The following TRPM7 variants were observed in gnomAD, a reference collection of about 807,000 sequenced individuals.
TRPM7 encodes transient receptor potential cation channel subfamily M member 7.
TRPM7 carries 134 observed loss-of-function variants against 229.7 expected under a neutral mutation model. That is an observed-to-expected ratio of 0.58 (90% CI 0.51 to 0.67). The LOEUF is 0.67. TRPM7 is among the 30% of genes least tolerant of loss of function. TRPM7 has a pLI of 0.00. For missense variants in TRPM7, 1,901 were observed against 2,210.0 expected (o/e 0.86, Z 2.80); for synonymous variants, 699 against 715.2 (o/e 0.98, Z 0.36).
At chr15:50,662,832 G>A (rs551016639) in intron 2 of TRPM7, 135 bp downstream of exon 2, 2 of 716,900 alleles carry the variant, frequency 2.8e-6, no homozygotes, top group African/African-American at 1.8e-5. Context: ...CAAATTAAAT[G>A]ATTAACAGTA....
At chr15:50,678,487 A>T (rs1410024953) in intron 1 of TRPM7, among the ~76,000 whole-genome samples, 1 of 133,714 alleles carries the variant, frequency 7.5e-6, no homozygotes, top group African/African-American at 2.7e-5. Flanking sequence ...TACAGACCCT[A>T]CTCTCTAGTT....
chr15:50,602,941 A>G (rs559825200), intron 21 of TRPM7, among the ~76,000 whole-genome samples: 1 of 152,212 alleles, frequency 6.6e-6, no homozygotes, highest in Non-Finnish European at 1.5e-5. Context: ...CATTACCATT[A>G]AAGTAACTAG....
In TRPM7 at chr15:50,609,822, G is replaced by A. The variant is rs1371483819; in HGVS notation, c.2420C>T (p.Thr807Ile). ...CCTGCTTACCATGGGGATCTCTTCT[G>A]TTATGTTCTGAAAGTTGTTTTCGCT... is the stretch of plus-strand genomic sequence containing the variant. ...DDSENNFQNI[T>I]EEIPMEVFKE... is the part of the protein sequence containing the mutation. The change falls in exon 18 of 39, where the codon ACA becomes ATA. Residue 807 changes from threonine to isoleucine, a missense_variant. By Grantham distance (89) the Thr-to-Ile change is moderately conservative. Around this residue, in one of 8 missense-constraint regions of TRPM7, gnomAD observed 207 missense variants for 241.5 expected, o/e 0.86. Coordinates refer to ENST00000646667, the MANE Select transcript of TRPM7 (RefSeq NM_017672.6). The A allele has an allele frequency of 1.2e-6, 2 of 1,612,472 alleles. No homozygotes were observed. Among genetic ancestry groups the A allele is most frequent in the Non-Finnish European group, 1.7e-6 (2 of 1,179,330 alleles).
chr15:50,666,810 A>G (rs925729993), intron 1 of TRPM7, among the ~76,000 whole-genome samples: 1 of 152,172 alleles, frequency 6.6e-6, no homozygotes, highest in African/African-American at 2.4e-5. Flanking sequence ...TCCAAAAAAA[A>G]AGAAGAGGCG....
chr15:50,584,832 C>A (rs769792472), intron 28 of TRPM7, among the ~76,000 whole-genome samples: 26 of 151,872 alleles, frequency 1.7e-4, no homozygotes, highest in Non-Finnish European at 3.1e-4. Flanking sequence ...ACTGAGAATT[C>A]TTTTTCTTCC....
In TRPM7 at chr15:50,599,008, G is replaced by C. The variant is rs111358163; in HGVS notation, c.3163+114C>G. ...GGAGTTCACTAACGCCTTTGTGTGG[G>C]GCTTAGGTTGGTAATAGTTTGACTT... is the stretch of plus-strand genomic sequence containing the variant. On this transcript the variant is annotated intron_variant, in intron 22 of 38. Transcript: ENST00000646667. 4.0e-6 allele frequency: 3 copies of C among 748,466 alleles called. No homozygotes were observed. The African/African-American group carries it at 5.3e-5, about 13-fold the overall frequency. The allele number at this position is 748,466 out of a possible 1,614,324, so 46.4% of individuals were successfully genotyped here.
At chr15:50,608,594 T>C (rs1423822361) in intron 19 of TRPM7, among the ~76,000 whole-genome samples, 1 of 152,200 alleles carries the variant, frequency 6.6e-6, no homozygotes, top group Non-Finnish European at 1.5e-5. Context: ...ATCAGATAAC[T>C]GATATTTGCA....
chr15:50,635,433 T>G (rs1233288695), intron 7 of TRPM7, among the ~76,000 whole-genome samples: 3 of 146,600 alleles, frequency 2.0e-5, no homozygotes, highest in Non-Finnish European at 3.0e-5. Context: ...AGAGGCCAAG[T>G]CGGGCAGATC....
At chr15:50,666,591 G>A (rs530741446) in intron 1 of TRPM7, among the ~76,000 whole-genome samples, 23 of 151,960 alleles carry the variant, frequency 1.5e-4, no homozygotes, top group Admixed American at 9.8e-4. Context: ...ATCACCTGAC[G>A]TTGGGAGTTC....
chr15:50,679,539 T>TATATATATA (rs1491586861), intron 1 of TRPM7, among the ~76,000 whole-genome samples: 2 of 22,302 alleles, frequency 9.0e-5, no homozygotes, highest in African/African-American at 2.1e-4. Flanking sequence ...TATATATATA[T>TATATATATA]TTTTTTTTTT....
chr15:50,593,221 G>A (rs1451691445), intron 25 of TRPM7, among the ~76,000 whole-genome samples: 2 of 151,976 alleles, frequency 1.3e-5, no homozygotes, highest in Admixed American at 6.6e-5. Flanking sequence ...CCTGGGAGGC[G>A]GAAGTTGCAG....
intron 38 of TRPM7, among the ~76,000 whole-genome samples, chr15:50,565,388 GAA>G (rs1368456718): frequency 6.6e-6 from 1 of 151,798 alleles, no homozygotes; most frequent in African/African-American, 2.4e-5. Flanking sequence ...TGTATGTTTT[GAA>G]AAAAAGACTG....
intron 21 of TRPM7, among the ~76,000 whole-genome samples, chr15:50,600,442 A>T (rs2140410222): frequency 6.6e-6 from 1 of 151,734 alleles, no homozygotes; most frequent in Admixed American, 6.5e-5. Context: ...ATCTTAAAAA[A>T]AAAAAAAAAA....
chr15:50,651,750 C>T (rs1011208326), intron 3 of TRPM7, among the ~76,000 whole-genome samples: 1 of 151,656 alleles, frequency 6.6e-6, no homozygotes, highest in African/African-American at 2.4e-5. Context: ...ATAAGCTGGG[C>T]GTCGTGGCAG....
chr15:50,647,935 G>T (rs1345997399), intron 4 of TRPM7, among the ~76,000 whole-genome samples: 2 of 152,054 alleles, frequency 1.3e-5, no homozygotes, highest in Non-Finnish European at 2.9e-5. Context: ...ATTGTATTGG[G>T]CATTTTATTA....
At chr15:50,568,366 C>CA (rs912222619) in intron 38 of TRPM7, among the ~76,000 whole-genome samples, 3 of 150,008 alleles carry the variant, frequency 2.0e-5, no homozygotes, top group East Asian at 1.9e-4. Context: ...ATTGTCTATA[C>CA]AAAAAAAATC....
chr15:50,621,802 AGTG>A (rs928456511), intron 12 of TRPM7, among the ~76,000 whole-genome samples: 15 of 152,114 alleles, frequency 9.9e-5, no homozygotes, highest in African/African-American at 3.4e-4. Flanking sequence ...AGGTCGAGGC[AGTG>A]GATCACCTTA....
chr15:50,575,698 T>C (rs750139776), intron 33 of TRPM7, 26 bp downstream of exon 33: 2 of 1,591,726 alleles, frequency 1.3e-6, no homozygotes, highest in African/African-American at 1.3e-5. Flanking sequence ...TTTTCACTTA[T>C]TTATTTCTTT....
At chr15:50,600,075 A>T (rs1392040482) in intron 21 of TRPM7, among the ~76,000 whole-genome samples, 6 of 152,222 alleles carry the variant, frequency 3.9e-5, no homozygotes, top group East Asian at 3.8e-4. Context: ...TTCACCTCCC[A>T]TCTACTTATT....
Sources: gnomAD v4.1 joint callset for allele counts (sites outside exome capture counted in the v4.1 genomes callset) on GRCh38, gnomAD v4.1.1 for gene constraint, gnomAD v4.1.1 regional missense constraint, MANE v1.5 for transcripts, NCBI Gene and HGNC (gene_info 2026-07-23, HGNC 2026-07-21) for gene names.